EFCAB14: variants seen among roughly 807,000 people sequenced by gnomAD.
EFCAB14 encodes EF-hand calcium-binding domain-containing protein 14.
EFCAB14 carries 43 observed loss-of-function variants against 56.5 expected under a neutral mutation model. The ratio of observed to expected loss-of-function variants is 0.76; its 90% CI spans 0.60 to 0.98. EFCAB14 has a LOEUF of 0.98. Among genes scored for constraint, EFCAB14 ranks in the 50% least tolerant of loss-of-function variants. EFCAB14 has a pLI of 0.00. For missense variants in EFCAB14, 538 were observed against 580.3 expected (o/e 0.93, Z 0.75); for synonymous variants, 235 against 212.9 (o/e 1.10, Z -0.90).
In EFCAB14 at chr1:46,678,509, T is replaced by C. The variant is rs1676732650; in HGVS notation, c.1440A>G (p.Gly480=). 1.2e-6 allele frequency: 2 copies of C among 1,614,008 alleles called. No homozygotes were observed. Among genetic ancestry groups the C allele is most frequent in the African/African-American group, 1.3e-5 (1 of 74,902 alleles). Residue 480 remains glycine (G), a synonymous_variant, in exon 11 of 11, where the codon GGA becomes GGG. Coordinates refer to ENST00000371933, the MANE Select transcript of EFCAB14 (RefSeq NM_014774.3). ...PESLRAFDSD[G]DGRYSFLELR... Reference sequence around the variant, plus strand: ...GCTCCAGGAATGAGTATCTTCCATCTCCATCGGAATCAAATGCTCTCAAGC... The same window carrying C: ...GCTCCAGGAATGAGTATCTTCCATCCCCATCGGAATCAAATGCTCTCAAGC...
At chr1:46,685,011 G>A (rs749016993) in intron 8 of EFCAB14, 1 of 160,790 alleles carries the variant, frequency 6.2e-6, no homozygotes, top group Non-Finnish European at 1.4e-5. Context: ...TTCACCTTGT[G>A]ACTAGACCAC....
intron 7 of EFCAB14, among the ~76,000 whole-genome samples, chr1:46,688,136 C>T (rs551560687): frequency 1.2e-4 from 18 of 152,274 alleles, no homozygotes; most frequent in African/African-American, 3.4e-4. Flanking sequence ...TCGACCTCTC[C>T]GCATCTCCCT....
chr1:46,687,478 G>A (rs1676904186), intron 7 of EFCAB14, among the ~76,000 whole-genome samples: 1 of 152,154 alleles, frequency 6.6e-6, no homozygotes, highest in Non-Finnish European at 1.5e-5. Flanking sequence ...ACTTGCCAAG[G>A]CTCCACTGTG....
intron 3 of EFCAB14, among the ~76,000 whole-genome samples, chr1:46,702,794 T>C (rs553594695): frequency 1.1e-3 from 161 of 152,234 alleles, no homozygotes; most frequent in Admixed American, 3.9e-3. Context: ...TCACATAAGG[T>C]ATTTGGACTG....
chr1:46,712,117 A>G (rs1677318377), intron 2 of EFCAB14, among the ~76,000 whole-genome samples: 1 of 152,248 alleles, frequency 6.6e-6, no homozygotes, highest in East Asian at 1.9e-4. Context: ...GAATTCAAAA[A>G]GTCAAACCTT....
rs1250846331 is a variant in EFCAB14, at chr1:46,677,352, T to C, written c.*1109A>G. 6.6e-6 allele frequency: 1 copy of C among 152,240 alleles called. No homozygotes were observed. The highest frequency in any genetic ancestry group is 6.5e-5 in the Admixed American group (1 of 15,288). The allele number at this position is 152,240 out of a possible 1,614,324, so 9.4% of individuals were successfully genotyped here. The stretch of plus-strand genomic sequence containing the variant: ...ACTGAATATTATTTCACATGTTTCA[T>C]CTCACAGCCTTTTTGGCTTTAGTCA... On this transcript the variant is annotated 3_prime_UTR_variant, in exon 11 of 11. Coordinates refer to ENST00000371933, the MANE Select transcript of EFCAB14 (RefSeq NM_014774.3).
intron 5 of EFCAB14, among the ~76,000 whole-genome samples, chr1:46,690,766 C>T (rs530025963): frequency 2.0e-5 from 3 of 152,220 alleles, no homozygotes; most frequent in East Asian, 3.9e-4. Context: ...GTTAGCCCCA[C>T]TAAGTAACAG....
chr1:46,718,094 G>T lies in EFCAB14; in HGVS notation c.-7C>A. ...GCTCTTTGCGCTTTTTCATCTTTTT[G>T]TGTGGGGTGAGTGGAGCCCCGACTC... On this transcript the variant is annotated 5_prime_UTR_variant, in exon 1 of 11. Coordinates refer to ENST00000371933, the MANE Select transcript of EFCAB14 (RefSeq NM_014774.3). The T allele has an allele frequency of 6.2e-7, 1 of 1,613,224 alleles. No homozygotes were observed. The highest frequency in any genetic ancestry group is 8.5e-7 in the Non-Finnish European group (1 of 1,179,378).
intron 3 of EFCAB14, among the ~76,000 whole-genome samples, chr1:46,703,163 G>C (rs1219122984): frequency 6.6e-6 from 1 of 151,698 alleles, no homozygotes; most frequent in African/African-American, 2.4e-5. Flanking sequence ...AGGCTGGAGT[G>C]CAATGGCACG....
chr1:46,706,109 C>T (rs529677745), intron 3 of EFCAB14, among the ~76,000 whole-genome samples: 20 of 152,296 alleles, frequency 1.3e-4, no homozygotes, highest in African/African-American at 4.6e-4. Flanking sequence ...TCAAGTGATT[C>T]TCCCACCTTG....
rs774478893 is a variant in EFCAB14 at position 46,696,506 on chromosome 1, T to A, written c.579+45A>T. The A allele has an allele frequency of 3.2e-6, 5 of 1,557,576 alleles. No individual in the cohort carries two copies. In the African/African-American group the frequency reaches 5.4e-5, roughly 17 times the overall value. ...AATTATGGCAAATAGTACCCACACA[T>A]GGCACCTACCTTCTGAAGTCTCTGT... On this transcript the variant is annotated intron_variant, in intron 4 of 10. Transcript: ENST00000371933.
chr1:46,689,920 A>C (rs1013621582), intron 5 of EFCAB14, among the ~76,000 whole-genome samples: 3 of 152,162 alleles, frequency 2.0e-5, no homozygotes, highest in African/African-American at 7.2e-5. Context: ...GGGAACTGAG[A>C]TCCTCCTAGT....
intron 2 of EFCAB14, among the ~76,000 whole-genome samples, chr1:46,711,735 G>A (rs969095401): frequency 1.3e-5 from 2 of 152,068 alleles, no homozygotes; most frequent in African/African-American, 2.4e-5. Context: ...ATGAGGAAAT[G>A]GAAAAATGTA....
chr1:46,686,652 A>G, intron 8 of EFCAB14, 132 bp downstream of exon 8: 2 of 869,302 alleles, frequency 2.3e-6, no homozygotes, highest in Non-Finnish European at 3.7e-6. Context: ...ATACTAATTT[A>G]CTAATTGCTT....
At chr1:46,698,825 T>C (rs955249427) in intron 3 of EFCAB14, among the ~76,000 whole-genome samples, 2 of 152,130 alleles carry the variant, frequency 1.3e-5, no homozygotes, top group African/African-American at 4.8e-5. Context: ...TGGGTTTTAC[T>C]TGAGGTGTGA....
rs1262079276 is a variant in EFCAB14 at position 46,703,443 on chromosome 1, A to AAC, written c.480+4461_480+4462dup. Among the ~76,000 whole-genome samples the AAC allele has an allele frequency of 1.4e-4, 21 of 152,216 alleles. No homozygotes were observed. In the East Asian group the frequency reaches 3.9e-3, roughly 28 times the overall value. On this transcript the variant is annotated intron_variant, in intron 3 of 10. Transcript: ENST00000371933. ...TTTTAAACTGATCAATACAATACAT[A>AAC]ACCTTGTTGTATATGTATTTCTGTT...
Position 46,677,335 on chromosome 1 carries a change from T to C in EFCAB14, c.*1126A>G, listed in dbSNP as rs985654776. The C allele has an allele frequency of 1.1e-4, 17 of 152,220 alleles. No individual in the cohort carries two copies. The highest frequency in any genetic ancestry group is 4.1e-4 in the African/African-American group (17 of 41,456). The allele number at this position is 152,220 out of a possible 1,614,324, so 9.4% of individuals were successfully genotyped here. A position where few individuals can be genotyped will look rare whatever the true frequency, so the allele number is the denominator to read the frequency against. ...CTGGTAATGGTAAGGAAACTGAATA[T>C]TATTTCACATGTTTCATCTCACAGC... On this transcript the variant is annotated 3_prime_UTR_variant, in exon 11 of 11. Coordinates refer to ENST00000371933, the MANE Select transcript of EFCAB14 (RefSeq NM_014774.3).
At chr1:46,683,567 G>T in intron 9 of EFCAB14, 142 bp from the exon 10 acceptor site, 1 of 911,588 alleles carries the variant, frequency 1.1e-6, no homozygotes, top group Non-Finnish European at 1.6e-6. Context: ...TAGTGACTAT[G>T]TGAAGTTAAA....
chr1:46,712,099 C>A (rs1677318243), intron 2 of EFCAB14, among the ~76,000 whole-genome samples: 1 of 152,206 alleles, frequency 6.6e-6, no homozygotes, highest in South Asian at 2.1e-4. Context: ...GCTAGTTTTG[C>A]AAAGCCAGAA....
Sources: gnomAD v4.1 joint callset for allele counts (sites outside exome capture counted in the v4.1 genomes callset) on GRCh38, gnomAD v4.1.1 for gene constraint, MANE v1.5 for transcripts, NCBI Gene and HGNC (gene_info 2026-07-23, HGNC 2026-07-21) for gene names.